Variants in CDKAL1 observed in about 807,000 individuals in gnomAD.
The protein encoded by CDKAL1 is threonylcarbamoyladenosine tRNA methylthiotransferase.
CDKAL1 carries 32 observed loss-of-function variants against 68.2 expected under a neutral mutation model. The observed-to-expected ratio is 0.47, with a 90% confidence interval of 0.35 to 0.63. The LOEUF (loss-of-function observed/expected upper bound fraction) is 0.63, where lower values mean the gene tolerates loss of function less well. CDKAL1 is among the 30% of genes least tolerant of loss of function. CDKAL1 has a pLI of 0.00. For synonymous variants in CDKAL1, 234 were observed against 244.3 expected, an observed-to-expected ratio of 0.96 and a Z score of 0.39; for missense variants, 606 against 696.7, an observed-to-expected ratio of 0.87 and a Z score of 1.47.
intron 12 of CDKAL1, among the ~76,000 whole-genome samples, chr6:21,072,050 A>G (rs1771802912): frequency 6.6e-6 from 1 of 152,220 alleles, no homozygotes; most frequent in Non-Finnish European, 1.5e-5. Context: ...TACACGCCAC[A>G]TTAACGTACC....
At chr6:20,873,960 G>A (rs561288108) in intron 9 of CDKAL1, among the ~76,000 whole-genome samples, 1 of 152,322 alleles carries the variant, frequency 6.6e-6, no homozygotes, top group African/African-American at 2.4e-5. Flanking sequence ...GGCAGGTCCG[G>A]AATTCTGTGT....
chr6:20,649,282 T>G lies in CDKAL1; in HGVS notation c.287-11T>G. The G allele has an allele frequency of 6.3e-7, 1 of 1,595,856 alleles. No homozygotes were observed. Among genetic ancestry groups the G allele is most frequent in the Non-Finnish European group, 8.6e-7 (1 of 1,168,540 alleles). ...CTACTTACTTCTTTTTTGTGTTCAT[T>G]TTTTTAATAGAAAATGCATCCGATG... On this transcript the variant is annotated splice_polypyrimidine_tract_variant and intron_variant, in intron 4 of 15. Coordinates refer to ENST00000274695, the MANE Select transcript of CDKAL1 (RefSeq NM_017774.3).
chr6:20,853,682 A>G (rs1048904352), intron 9 of CDKAL1, among the ~76,000 whole-genome samples: 1 of 152,238 alleles, frequency 6.6e-6, no homozygotes, highest in African/African-American at 2.4e-5. Context: ...AACCCTAACA[A>G]TTACATCACA....
chr6:20,626,608 T>C (rs1767441567), intron 4 of CDKAL1, among the ~76,000 whole-genome samples: 1 of 152,210 alleles, frequency 6.6e-6, no homozygotes, highest in Non-Finnish European at 1.5e-5. Context: ...TGTAACAGAA[T>C]ACCCAATCGA....
intron 6 of CDKAL1, among the ~76,000 whole-genome samples, chr6:20,754,227 C>T (rs1345641718): frequency 1.3e-5 from 2 of 152,130 alleles, no homozygotes; most frequent in African/African-American, 4.8e-5. Flanking sequence ...AAGTGATCTT[C>T]CCATATTGGC....
At chr6:21,141,338 T>C (rs1021646910) in intron 13 of CDKAL1, among the ~76,000 whole-genome samples, 2 of 152,210 alleles carry the variant, frequency 1.3e-5, no homozygotes, top group Non-Finnish European at 2.9e-5. Context: ...AGCCTTTGCT[T>C]CTTACAAACC....
chr6:20,862,067 C>T (rs373699937), intron 9 of CDKAL1, among the ~76,000 whole-genome samples: 10 of 151,980 alleles, frequency 6.6e-5, no homozygotes, highest in Middle Eastern at 3.2e-3. Flanking sequence ...ATTATAATAC[C>T]GTTACATTTA....
At chr6:20,946,133 G>T (rs1317684920) in intron 9 of CDKAL1, among the ~76,000 whole-genome samples, 1 of 152,070 alleles carries the variant, frequency 6.6e-6, no homozygotes, top group Non-Finnish European at 1.5e-5. Flanking sequence ...TGTCATCTTT[G>T]CTCTCTCAGC....
intron 12 of CDKAL1, among the ~76,000 whole-genome samples, chr6:21,106,764 C>T (rs1358242851): frequency 6.6e-6 from 1 of 152,188 alleles, no homozygotes; most frequent in East Asian, 1.9e-4. Flanking sequence ...TGAGCATCAG[C>T]GGATTTTGGT....
At chr6:21,170,451 G>T (rs1466277554) in intron 13 of CDKAL1, among the ~76,000 whole-genome samples, 1 of 151,730 alleles carries the variant, frequency 6.6e-6, no homozygotes, top group Non-Finnish European at 1.5e-5. Context: ...TGCCTTAGCC[G>T]CCCGAGTAGC....
intron 11 of CDKAL1, among the ~76,000 whole-genome samples, chr6:21,037,638 T>C (rs567235386): frequency 2.6e-5 from 4 of 152,282 alleles, no homozygotes; most frequent in South Asian, 2.1e-4. Flanking sequence ...GCTAGTGCAA[T>C]TGAGGAACTG....
chr6:20,837,744 TATA>T (rs56163103), intron 8 of CDKAL1, among the ~76,000 whole-genome samples: 11 of 148,042 alleles, frequency 7.4e-5, no homozygotes, highest in Admixed American at 2.7e-4. Flanking sequence ...CACTTCAGCA[TATA>T]ATAATAATAA....
At chr6:20,677,362 G>A (rs892850253) in intron 5 of CDKAL1, among the ~76,000 whole-genome samples, 1 of 152,086 alleles carries the variant, frequency 6.6e-6, no homozygotes, top group Non-Finnish European at 1.5e-5. Flanking sequence ...GAGCCATCGT[G>A]CCTGGCTAAA....
chr6:20,956,149 C>T (rs144885861), intron 10 of CDKAL1, among the ~76,000 whole-genome samples: 174 of 152,322 alleles, frequency 1.1e-3, no homozygotes, highest in African/African-American at 3.8e-3. Flanking sequence ...CATTGTAAGG[C>T]CCATCCCTGA....
intron 8 of CDKAL1, among the ~76,000 whole-genome samples, chr6:20,827,676 C>A (rs1257508536): frequency 6.6e-6 from 1 of 152,006 alleles, no homozygotes; most frequent in Non-Finnish European, 1.5e-5. Flanking sequence ...AGCATTCTGG[C>A]CTTCTGTGTT....
intron 4 of CDKAL1, among the ~76,000 whole-genome samples, chr6:20,636,534 G>C (rs1247314321): frequency 6.6e-6 from 1 of 152,168 alleles, no homozygotes; most frequent in Admixed American, 6.5e-5. Flanking sequence ...TCAGATGCGT[G>C]TGTGAACTAG....
At chr6:20,580,774 G>T (rs530055009) in intron 4 of CDKAL1, among the ~76,000 whole-genome samples, 5 of 151,348 alleles carry the variant, frequency 3.3e-5, no homozygotes, top group Non-Finnish European at 7.4e-5. Context: ...TCATGGTTAG[G>T]TTGGTTTCAT....
intron 13 of CDKAL1, among the ~76,000 whole-genome samples, chr6:21,136,591 T>C (rs1346521537): frequency 3.3e-5 from 5 of 152,204 alleles, no homozygotes; most frequent in Non-Finnish European, 4.4e-5. Flanking sequence ...GAAAAAGGTC[T>C]GGGGGACCAT....
At chr6:20,542,087 G>C (rs114944132) in intron 2 of CDKAL1, among the ~76,000 whole-genome samples, 1,666 of 152,290 alleles carry the variant, frequency 0.011, 29 homozygotes, top group African/African-American at 0.036. Flanking sequence ...GCTGAGATTT[G>C]AACACAGATT....
Sources: gnomAD v4.1 joint callset for allele counts (sites outside exome capture counted in the v4.1 genomes callset) on GRCh38, gnomAD v4.1.1 for gene constraint, MANE v1.5 for transcripts, NCBI Gene and HGNC (gene_info 2026-07-23, HGNC 2026-07-21) for gene names.